Variants in DIAPH3 observed in about 807,000 individuals in gnomAD.
DIAPH3 encodes the protein protein diaphanous homolog 3.
In DIAPH3, 117 loss-of-function variants were observed where a neutral mutation model predicts 144.3. The observed-to-expected ratio is 0.81, with a 90% CI of 0.70 to 0.95. The LOEUF is 0.95. Among genes scored for constraint, DIAPH3 ranks in the 40% least tolerant of loss-of-function variants. The probability of loss-of-function intolerance (pLI) is 0.00; values close to 1 mark genes in which losing one functional copy is unlikely to be tolerated. For synonymous variants in DIAPH3, 519 were observed against 488.9 expected, an observed-to-expected ratio of 1.06 and a Z score of -0.81; for missense variants, 1,421 against 1,412.7, an observed-to-expected ratio of 1.01 and a Z score of -0.09.
intron 24 of DIAPH3, among the ~76,000 whole-genome samples, chr13:59,826,721 C>T (rs2041455242): frequency 6.6e-6 from 1 of 151,924 alleles, no homozygotes; most frequent in Non-Finnish European, 1.5e-5. Flanking sequence ...CCCGCATCGC[C>T]AAGTCAATCC....
intron 27 of DIAPH3, among the ~76,000 whole-genome samples, chr13:59,693,203 C>T (rs908678662): frequency 2.0e-5 from 3 of 151,856 alleles, no homozygotes; most frequent in Admixed American, 2.0e-4. Context: ...AAAGTAGTGA[C>T]CAAAGAGAAG....
At chr13:60,072,177 A>G (rs2057234260) in intron 4 of DIAPH3, among the ~76,000 whole-genome samples, 1 of 152,094 alleles carries the variant, frequency 6.6e-6, no homozygotes, top group African/African-American at 2.4e-5. Context: ...GCATCTGCCA[A>G]TCTCCTGAAG....
At chr13:59,789,935 G>A (rs2039242466) in intron 25 of DIAPH3, among the ~76,000 whole-genome samples, 1 of 152,198 alleles carries the variant, frequency 6.6e-6, no homozygotes, top group South Asian at 2.1e-4. Context: ...TGTGGAACAC[G>A]ACAAGTTAGG....
intron 27 of DIAPH3, among the ~76,000 whole-genome samples, chr13:59,730,541 C>G (rs2035846928): frequency 6.6e-6 from 1 of 152,066 alleles, no homozygotes; most frequent in East Asian, 1.9e-4. Context: ...TTTGCTTGTA[C>G]ATTTAGCTAT....
chr13:60,104,883 C>T (rs1019131492), intron 3 of DIAPH3, among the ~76,000 whole-genome samples: 2 of 151,982 alleles, frequency 1.3e-5, no homozygotes, highest in Admixed American at 6.5e-5. Flanking sequence ...TTCACGAGGT[C>T]AGGAGATCGA....
rs1372278221 is a variant in DIAPH3, at chr13:59,723,462, T to G, written c.3319+50727A>C. 8.0e-5 allele frequency among the ~76,000 whole-genome samples: 12 copies of G among 150,332 alleles called. No homozygotes were observed. In the East Asian group the frequency reaches 2.1e-3, roughly 27 times the overall value. On this transcript the variant is annotated intron_variant, in intron 27 of 27. Coordinates refer to ENST00000400324, the MANE Select transcript of DIAPH3 (RefSeq NM_001042517.2). ...GGAAACCTAATTTAACTATATATTGTGTGTGTGTGTGTATGTGTGTGCGTG... is the reference window on the plus strand; with the variant it reads ...GGAAACCTAATTTAACTATATATTGGGTGTGTGTGTGTATGTGTGTGCGTG...
chr13:59,838,030 A>C (rs1256611102), intron 23 of DIAPH3: 2 of 152,274 alleles, frequency 1.3e-5, no homozygotes, highest in East Asian at 1.9e-4. Flanking sequence ...GATTCACTAA[A>C]TCTCAGGAGA....
At chr13:59,667,664 T>G (rs1460099910) in intron 27 of DIAPH3, among the ~76,000 whole-genome samples, 1 of 152,220 alleles carries the variant, frequency 6.6e-6, no homozygotes, top group East Asian at 1.9e-4. Context: ...CATGTACATA[T>G]ATACATACAC....
intron 23 of DIAPH3, chr13:59,838,057 G>A (rs773315594): frequency 2.6e-5 from 4 of 151,956 alleles, no homozygotes; most frequent in African/African-American, 9.7e-5. Flanking sequence ...GTAGAAAGAG[G>A]AAAAATAGTC....
intron 22 of DIAPH3, among the ~76,000 whole-genome samples, chr13:59,844,485 C>A (rs1018698666): frequency 2.2e-5 from 3 of 139,318 alleles, no homozygotes; most frequent in African/African-American, 7.9e-5. Flanking sequence ...GCCTGGGTGA[C>A]GGAGCGAGAC....
intron 19 of DIAPH3, 143 bp downstream of exon 19, chr13:59,916,012 A>G: frequency 1.4e-6 from 1 of 700,130 alleles, no homozygotes; most frequent in South Asian, 1.7e-5. Flanking sequence ...CTGGCAATGC[A>G]GAAGTTATGC....
intron 27 of DIAPH3, among the ~76,000 whole-genome samples, chr13:59,734,882 A>T (rs1292681801): frequency 6.6e-6 from 1 of 152,216 alleles, no homozygotes; most frequent in African/African-American, 2.4e-5. Flanking sequence ...TAATCCCATA[A>T]TACAGAATCT....
intron 20 of DIAPH3, among the ~76,000 whole-genome samples, chr13:59,899,126 T>C (rs546341241): frequency 1.3e-5 from 2 of 152,266 alleles, no homozygotes; most frequent in South Asian, 4.1e-4. Context: ...CAGGCTTCGG[T>C]CACAGACTAA....
chr13:59,807,641 T>C (rs953924433), intron 25 of DIAPH3, among the ~76,000 whole-genome samples: 1 of 151,984 alleles, frequency 6.6e-6, no homozygotes, highest in African/African-American at 2.4e-5. Flanking sequence ...CCTCAGCAAA[T>C]TACAGGTTTG....
At position 59,992,130 on chromosome 13, in the gene DIAPH3, CTCA is replaced by C; in HGVS notation, c.1179_1181del (p.Asp393del). The stretch of plus-strand genomic sequence containing the variant: ...ACTCAAACAAATCTTCTTCTTTATG[CTCA>C]TCAAAGACTTTAAGTTGGATATCCA... On this transcript the variant is annotated inframe_deletion, in exon 11 of 28. Coordinates refer to ENST00000400324, the MANE Select transcript of DIAPH3 (RefSeq NM_001042517.2). 1 of 1,611,896 alleles carries C rather than the reference CTCA, an allele frequency of 6.2e-7. No individual in the cohort carries two copies. Among genetic ancestry groups the C allele is most frequent in the Non-Finnish European group, 8.5e-7 (1 of 1,178,766 alleles).
chr13:59,676,364 A>G (rs1840515491), intron 27 of DIAPH3, among the ~76,000 whole-genome samples: 1 of 152,182 alleles, frequency 6.6e-6, no homozygotes, highest in Admixed American at 6.5e-5. Context: ...AATCTTAGTC[A>G]CTGGCTCTGT....
intron 1 of DIAPH3, among the ~76,000 whole-genome samples, chr13:60,156,918 C>CACAT (rs1324633645): frequency 8.4e-4 from 47 of 55,652 alleles, no homozygotes; most frequent in Admixed American, 2.0e-3. Context: ...CCAGATCCTT[C>CACAT]ATATATATAT....
At chr13:60,126,443 C>G (rs2058992683) in intron 2 of DIAPH3, among the ~76,000 whole-genome samples, 1 of 152,140 alleles carries the variant, frequency 6.6e-6, no homozygotes, top group Admixed American at 6.5e-5. Context: ...TATATATGCA[C>G]TTTACTGCAA....
chr13:59,929,914 C>T (rs532803134), intron 17 of DIAPH3, among the ~76,000 whole-genome samples: 122 of 152,078 alleles, frequency 8.0e-4, no homozygotes, highest in Non-Finnish European at 1.2e-3. Flanking sequence ...TCCAAAAGGT[C>T]TAAAAATAAA....
Sources: allele counts gnomAD v4.1 joint callset (sites outside exome capture counted in the v4.1 genomes callset), GRCh38; gene constraint gnomAD v4.1.1; transcripts MANE v1.5; gene names NCBI Gene and HGNC (gene_info 2026-07-23, HGNC 2026-07-21).